CADPS: variants seen among roughly 807,000 people sequenced by gnomAD.
CADPS encodes calcium dependent secretion activator, also known as calcium-dependent secretion activator 1.
In CADPS, 57 loss-of-function variants were observed where a neutral mutation model predicts 167.3. The observed-to-expected ratio is 0.34, with a 90% confidence interval of 0.28 to 0.42. CADPS has a LOEUF of 0.42. CADPS is among the 20% of genes least tolerant of loss of function. CADPS has a pLI of 1.00. For missense variants in CADPS, 1,414 were observed against 1,738.1 expected (o/e 0.81, Z 3.32); for synonymous variants, 676 against 635.3 (o/e 1.06, Z -0.96).
At chr3:62,639,439 T>C (rs958527963) in intron 6 of CADPS, among the ~76,000 whole-genome samples, 1 of 152,128 alleles carries the variant, frequency 6.6e-6, no homozygotes, top group African/African-American at 2.4e-5. Flanking sequence ...TCAGTGGCCT[T>C]TGAAGTTCTC....
At chr3:62,845,110 T>C (rs570673186) in intron 1 of CADPS, among the ~76,000 whole-genome samples, 69 of 152,334 alleles carry the variant, frequency 4.5e-4, no homozygotes, top group African/African-American at 1.7e-3. Flanking sequence ...AAGTTCTAAG[T>C]GGTTCCTGCT....
At chr3:62,531,841 T>C (rs2073762241) in intron 13 of CADPS, among the ~76,000 whole-genome samples, 1 of 152,218 alleles carries the variant, frequency 6.6e-6, no homozygotes, top group South Asian at 2.1e-4. Flanking sequence ...CAGAGCCAAA[T>C]GGCAATGTTC....
intron 14 of CADPS, 74 bp from the exon 15 acceptor site, chr3:62,516,717 T>C: frequency 1.9e-6 from 2 of 1,036,372 alleles, no homozygotes; most frequent in Non-Finnish European, 3.0e-6. Flanking sequence ...ATTTGATTCC[T>C]ATAGCAACTC....
At chr3:62,690,957 T>C (rs768822230) in intron 3 of CADPS, among the ~76,000 whole-genome samples, 1 of 152,036 alleles carries the variant, frequency 6.6e-6, no homozygotes, top group Non-Finnish European at 1.5e-5. Context: ...ATGGACAAAC[T>C]GTGGTACATT....
chr3:62,659,001 G>A (rs1402899611), intron 4 of CADPS, among the ~76,000 whole-genome samples: 1 of 152,170 alleles, frequency 6.6e-6, no homozygotes, highest in African/African-American at 2.4e-5. Flanking sequence ...TGCAGGTTCT[G>A]TGAAGTAGTC....
At chr3:62,541,201 G>C (rs62243506) in intron 11 of CADPS, among the ~76,000 whole-genome samples, 1 of 152,062 alleles carries the variant, frequency 6.6e-6, no homozygotes, top group African/African-American at 2.4e-5. Flanking sequence ...ATCTTTACCT[G>C]TGTCAGACCT....
rs1273805964 is a variant in CADPS, at chr3:62,458,483, A to C, written c.3636+6884T>G. Among the ~76,000 whole-genome samples, 1 of 152,072 alleles carries C rather than the reference A, an allele frequency of 6.6e-6. No individual in the cohort carries two copies. Among genetic ancestry groups the C allele is most frequent in the Admixed American group, 6.6e-5 (1 of 15,252 alleles). Reference sequence around the variant, plus strand: ...GAAGCCATGTACCTATTCATTAGGTATTTCTTTTTTCTTTTTCTTTTTTGA... The same window carrying C: ...GAAGCCATGTACCTATTCATTAGGTCTTTCTTTTTTCTTTTTCTTTTTTGA... On this transcript the variant is annotated intron_variant, in intron 26 of 29. Coordinates refer to ENST00000383710, the MANE Select transcript of CADPS (RefSeq NM_003716.4). This position sits in a 1 kb window ranked among gnomAD's most constrained non-coding sequence, Gnocchi z 4.6.
chr3:62,456,665 T>G (rs1211339109), intron 26 of CADPS, among the ~76,000 whole-genome samples: 5 of 151,916 alleles, frequency 3.3e-5, no homozygotes, highest in African/African-American at 1.2e-4. Flanking sequence ...TGAGGTCCCA[T>G]GTGGTACATA....
chr3:62,820,130 C>G (rs1372777306), intron 1 of CADPS, among the ~76,000 whole-genome samples: 1 of 152,050 alleles, frequency 6.6e-6, no homozygotes, highest in Non-Finnish European at 1.5e-5. Context: ...TCATAAAAGC[C>G]CAATGATCCT....
At position 62,820,936 on chromosome 3, in the gene CADPS, G is replaced by T. The variant is rs554349819; in HGVS notation, c.441+53653C>A. 3.1e-3 allele frequency among the ~76,000 whole-genome samples: 473 copies of T among 152,068 alleles called. 2 individuals carry two copies. The highest frequency in any genetic ancestry group is 4.3e-3 in the Non-Finnish European group (291 of 67,966). On this transcript the variant is annotated intron_variant, in intron 1 of 29. Transcript: ENST00000383710. Reference sequence around the variant, plus strand: ...CTGCCTCAGCCTCCTGAGTAGCTGGGACTACAGGCACGTGCCACCATGCCC... The same window carrying T: ...CTGCCTCAGCCTCCTGAGTAGCTGGTACTACAGGCACGTGCCACCATGCCC...
intron 1 of CADPS, among the ~76,000 whole-genome samples, chr3:62,870,384 T>G (rs749933639): frequency 3.9e-5 from 6 of 152,118 alleles, no homozygotes; most frequent in Admixed American, 6.5e-5. Context: ...ACACACATAC[T>G]TGCGCTCTCT....
At chr3:62,619,065 A>C (rs1434194039) in intron 6 of CADPS, among the ~76,000 whole-genome samples, 1 of 152,248 alleles carries the variant, frequency 6.6e-6, no homozygotes, top group African/African-American at 2.4e-5. Context: ...GAGCACATCC[A>C]TGCCCATTTA....
rs1208668345 is a variant in CADPS at position 62,492,373 on chromosome 3, T to C, written c.2801A>G (p.Asp934Gly). 1 of 1,613,990 alleles carries C rather than the reference T, an allele frequency of 6.2e-7. No homozygotes were observed. Among genetic ancestry groups the C allele is most frequent in the Admixed American group, 1.7e-5 (1 of 60,034 alleles). The stretch of plus-strand genomic sequence containing the variant: ...TGGAGGTTGCACCTCTAAGGCTGCA[T>C]CCATGTCTACTGCAAAGAGTGACAG... Reference protein sequence around the residue: ...TFLSLFAVDMDAALEVQPPDT... With the variant: ...TFLSLFAVDMGAALEVQPPDT... Residue 934 changes from aspartate (D) to glycine (G), a missense_variant, in exon 20 of 30, where the codon GAT (aspartate) becomes GGT (glycine). Physicochemically the swap from Asp to Gly is moderately conservative, Grantham distance 94 (BLOSUM62 -1). Transcript: ENST00000383710.
chr3:62,400,046 G>T (rs1287727571), intron 29 of CADPS, among the ~76,000 whole-genome samples: 1 of 152,186 alleles, frequency 6.6e-6, no homozygotes, highest in Non-Finnish European at 1.5e-5. Flanking sequence ...TGCATAAGCT[G>T]TACTGATATC....
At chr3:62,474,803 T>G (rs1319266753) in intron 23 of CADPS, among the ~76,000 whole-genome samples, 1 of 152,190 alleles carries the variant, frequency 6.6e-6, no homozygotes, top group Non-Finnish European at 1.5e-5. Context: ...ATTTTCCCCT[T>G]TCTGGTTTTG....
chr3:62,770,253 A>G lies in CADPS; in HGVS notation c.442-4269T>C, dbSNP rs137912793. Among the ~76,000 whole-genome samples the G allele has an allele frequency of 8.5e-5, 13 of 152,296 alleles. No homozygotes were observed. In the East Asian group the frequency reaches 2.5e-3, roughly 29 times the overall value. On this transcript the variant is annotated intron_variant, in intron 1 of 29. Coordinates refer to ENST00000383710, the MANE Select transcript of CADPS (RefSeq NM_003716.4). ...AAGCTCTTCCCTGACCATTCCATCTACAGTAAAGTTCTCCCAGATAATCTC... is the reference window on the plus strand; with the variant it reads ...AAGCTCTTCCCTGACCATTCCATCTGCAGTAAAGTTCTCCCAGATAATCTC...
chr3:62,854,200 G>A (rs2068758), intron 1 of CADPS, among the ~76,000 whole-genome samples: 4,599 of 152,254 alleles, frequency 0.03, 87 homozygotes, highest in South Asian at 0.066. Context: ...CACTTGCTAA[G>A]TTATATAAAT....
intron 1 of CADPS, among the ~76,000 whole-genome samples, chr3:62,854,785 A>G (rs1333025529): frequency 6.6e-6 from 1 of 152,220 alleles, no homozygotes; most frequent in African/African-American, 2.4e-5. Flanking sequence ...TTAAAAAGGC[A>G]AAGAGTAAAA....
At chr3:62,861,107 T>C (rs1438611445) in intron 1 of CADPS, among the ~76,000 whole-genome samples, 1 of 152,188 alleles carries the variant, frequency 6.6e-6, no homozygotes, top group African/African-American at 2.4e-5. Flanking sequence ...TTATGCTTTC[T>C]TGGGGCTAAA....
Sources: gnomAD v4.1 joint callset for allele counts (sites outside exome capture counted in the v4.1 genomes callset) on GRCh38, gnomAD v4.1.1 for gene constraint, Gnocchi (gnomAD v3.1) non-coding constraint, MANE v1.5 for transcripts, NCBI Gene and HGNC (gene_info 2026-07-23, HGNC 2026-07-21) for gene names.